Variants in IL1RAPL1 observed in about 807,000 individuals in gnomAD.
The protein encoded by IL1RAPL1 is interleukin-1 receptor accessory protein-like 1.
A neutral mutation model predicts 48.4 loss-of-function variants in IL1RAPL1; 3 were observed. That is an observed-to-expected ratio of 0.06 (90% CI 0.03 to 0.16). The LOEUF (loss-of-function observed/expected upper bound fraction) is 0.16. Ranked by LOEUF, IL1RAPL1 falls within the 10% of genes least tolerant of loss-of-function variation. IL1RAPL1 has a pLI of 1.00. For missense variants in IL1RAPL1, 349 were observed against 530.6 expected, an observed-to-expected ratio of 0.66 and a Z score of 3.36; for synonymous variants, 185 against 187.7, an observed-to-expected ratio of 0.99 and a Z score of 0.12.
chrX:28,819,042 C>T (rs955145506), intron 2 of IL1RAPL1, among the ~76,000 whole-genome samples: 1 of 110,900 alleles, frequency 9.0e-6, no homozygotes, highest in African/African-American at 3.3e-5. Context: ...TCTACAAGAA[C>T]CATGGAAGCA....
chrX:29,312,935 C>G (rs1449464044), intron 3 of IL1RAPL1, among the ~76,000 whole-genome samples: 1 of 111,455 alleles, frequency 9.0e-6, no homozygotes, highest in Non-Finnish European at 1.9e-5. Context: ...AAATGCCTTT[C>G]ACCTTCTGCC....
At chrX:28,903,566 A>T (rs1923139135) in intron 2 of IL1RAPL1, among the ~76,000 whole-genome samples, 1 of 110,672 alleles carries the variant, frequency 9.0e-6, no homozygotes, top group Admixed American at 9.7e-5. Flanking sequence ...GTGTTAAAGA[A>T]GGTGTAGATA....
intron 6 of IL1RAPL1, among the ~76,000 whole-genome samples, chrX:29,839,299 G>A (rs1931083605): frequency 8.9e-6 from 1 of 111,938 alleles, no homozygotes; most frequent in Non-Finnish European, 1.9e-5. Context: ...TCAATCACCT[G>A]GCACATTGGA....
chrX:28,588,629 C>G (rs899415415), intron 1 of IL1RAPL1, among the ~76,000 whole-genome samples: 2 of 112,069 alleles, frequency 1.8e-5, no homozygotes, highest in Non-Finnish European at 3.8e-5. Flanking sequence ...GTTGTGGTTA[C>G]TGGAGATTAT....
At chrX:29,626,708 C>T (rs1049513889) in intron 5 of IL1RAPL1, among the ~76,000 whole-genome samples, 6 of 111,989 alleles carry the variant, frequency 5.4e-5, no homozygotes, top group Admixed American at 4.8e-4. Flanking sequence ...AAATCAACGT[C>T]TTGTTTCTCT....
chrX:29,562,091 GTCTATCTA>G (rs769814349), intron 5 of IL1RAPL1, among the ~76,000 whole-genome samples: 6,648 of 85,446 alleles, frequency 0.078, 295 homozygotes, highest in South Asian at 0.14. Context: ...TAATCTATCT[GTCTATCTA>G]TCTATCTATC....
chrX:29,365,570 T>C (rs1357282260), intron 3 of IL1RAPL1, among the ~76,000 whole-genome samples: 1 of 105,560 alleles, frequency 9.5e-6, no homozygotes, highest in East Asian at 3.0e-4. Context: ...TGGTGATACA[T>C]GCTATTCGGG....
intron 3 of IL1RAPL1, among the ~76,000 whole-genome samples, chrX:29,294,388 C>T (rs764550210): frequency 3.6e-4 from 39 of 108,334 alleles, no homozygotes; most frequent in Middle Eastern, 9.3e-3. Flanking sequence ...ATGAGCCGGG[C>T]GTGGTGGTGG....
At chrX:28,779,147 G>C (rs1440600749) in intron 1 of IL1RAPL1, among the ~76,000 whole-genome samples, 1 of 111,424 alleles carries the variant, frequency 9.0e-6, no homozygotes. Context: ...GTCTTCACAG[G>C]CAAGCATCGG....
At chrX:29,302,928 T>C (rs142176876) in intron 3 of IL1RAPL1, among the ~76,000 whole-genome samples, 119 of 112,179 alleles carry the variant, frequency 1.1e-3, no homozygotes, top group African/African-American at 3.6e-3. Flanking sequence ...AACTGGAAAT[T>C]AGGTTTACTG....
chrX:29,925,273 C>G (rs1453567077), intron 8 of IL1RAPL1, among the ~76,000 whole-genome samples: 1 of 109,788 alleles, frequency 9.1e-6, no homozygotes, highest in Non-Finnish European at 1.9e-5. Flanking sequence ...TGAGTCTTAG[C>G]TTATGCAGTG....
intron 1 of IL1RAPL1, among the ~76,000 whole-genome samples, chrX:28,748,233 C>T (rs761967666): frequency 4.5e-5 from 5 of 110,835 alleles, no homozygotes; most frequent in East Asian, 5.6e-4. Context: ...TTTTGCTGTC[C>T]GTAAAATCAA....
At chrX:29,778,213 A>G (rs1929253497) in intron 6 of IL1RAPL1, among the ~76,000 whole-genome samples, 1 of 111,757 alleles carries the variant, frequency 8.9e-6, no homozygotes, top group Non-Finnish European at 1.9e-5. Context: ...TTTTGCCAAT[A>G]TAAGAGTCCA....
chrX:29,766,653 ATT>A (rs1417966678), intron 6 of IL1RAPL1, among the ~76,000 whole-genome samples: 1 of 98,970 alleles, frequency 1.0e-5, no homozygotes, highest in African/African-American at 3.7e-5. Flanking sequence ...CATTATATAT[ATT>A]ATATATTAAT....
chrX:28,668,824 C>T (rs892230597), intron 1 of IL1RAPL1, among the ~76,000 whole-genome samples: 2 of 111,585 alleles, frequency 1.8e-5, no homozygotes, highest in Admixed American at 1.9e-4. Flanking sequence ...TACTGTGAGC[C>T]ATGGATAGCA....
intron 6 of IL1RAPL1, among the ~76,000 whole-genome samples, chrX:29,905,924 G>A (rs1189632077): frequency 9.0e-6 from 1 of 111,397 alleles, no homozygotes; most frequent in Non-Finnish European, 1.9e-5. Flanking sequence ...TTAAAGAAAT[G>A]TTGAGATGAA....
chrX:29,646,700 A>C (rs773035858), intron 5 of IL1RAPL1, among the ~76,000 whole-genome samples: 1 of 109,972 alleles, frequency 9.1e-6, no homozygotes, highest in Non-Finnish European at 1.9e-5. Context: ...AGAAGATTAT[A>C]TACACAGCAA....
At chrX:28,985,663 T>TC (rs1338818833) in intron 2 of IL1RAPL1, among the ~76,000 whole-genome samples, 1 of 105,468 alleles carries the variant, frequency 9.5e-6, no homozygotes, top group Non-Finnish European at 2.0e-5. Flanking sequence ...GCACATTTTT[T>TC]TTTTTTTTTT....
intron 2 of IL1RAPL1, among the ~76,000 whole-genome samples, chrX:29,038,796 C>G (rs1458636425): frequency 1.8e-5 from 2 of 111,422 alleles, no homozygotes; most frequent in Non-Finnish European, 3.8e-5. Flanking sequence ...ACCTTTTCTT[C>G]TAGGGTCAAG....
Sources: allele counts gnomAD v4.1 joint callset (sites outside exome capture counted in the v4.1 genomes callset), GRCh38; gene constraint gnomAD v4.1.1; transcripts MANE v1.5; gene names NCBI Gene and HGNC (gene_info 2026-07-23, HGNC 2026-07-21).